FARP2: variants seen among roughly 807,000 people sequenced by gnomAD.
FARP2 encodes FERM, ARH/RhoGEF and pleckstrin domain protein 2, also known as FERM, ARHGEF and pleckstrin domain-containing protein 2.
Under a neutral mutation model 130.5 loss-of-function variants are expected in FARP2, and 111 were observed. That is an observed-to-expected ratio of 0.85 (90% confidence interval 0.73 to 1.00). The LOEUF (loss-of-function observed/expected upper bound fraction) is 1.00. Ranked by LOEUF, FARP2 falls within the 50% of genes least tolerant of loss-of-function variation. The pLI, the probability that FARP2 is intolerant of heterozygous loss-of-function variation, is 0.00. For synonymous variants in FARP2, 504 were observed against 516.9 expected, an observed-to-expected ratio of 0.98 and a Z score of 0.34; for missense variants, 1,385 against 1,346.3, an observed-to-expected ratio of 1.03 and a Z score of -0.45.
At chr2:241,450,718 G>T (rs529419146) in intron 13 of FARP2, among the ~76,000 whole-genome samples, 2 of 152,150 alleles carry the variant, frequency 1.3e-5, no homozygotes, top group South Asian at 4.2e-4. Context: ...CCAGCAATTC[G>T]GGAGGCTGAG....
intron 2 of FARP2, chr2:241,395,717 G>A (rs756396848): frequency 3.9e-5 from 6 of 152,164 alleles, no homozygotes; most frequent in Non-Finnish European, 7.4e-5. Context: ...GAAGTGATTT[G>A]TTTTTTCATT....
At chr2:241,472,918 G>T (rs905619245) in intron 18 of FARP2, among the ~76,000 whole-genome samples, 14 of 151,602 alleles carry the variant, frequency 9.2e-5, no homozygotes, top group African/African-American at 3.2e-4. Flanking sequence ...CTGTTCTGAG[G>T]GGACCCTATT....
intron 13 of FARP2, among the ~76,000 whole-genome samples, chr2:241,451,166 GT>G (rs1375409672): frequency 1.3e-5 from 2 of 151,982 alleles, no homozygotes; most frequent in Non-Finnish European, 2.9e-5. Context: ...TAGAGACAGG[GT>G]TTCACTGTGT....
chr2:241,465,848 G>A, intron 17 of FARP2: 1 of 1,519,182 alleles, frequency 6.6e-7, no homozygotes, highest in South Asian at 1.2e-5. Context: ...GAGTTCCCAA[G>A]GGACTATAGG....
In FARP2 at chr2:241,475,792, GGT is replaced by G. The variant is rs1559805577; in HGVS notation, c.2132-63_2132-62del. The stretch of plus-strand genomic sequence containing the variant: ...AGAATGCTGGTTCCTGTCACAAGGT[GGT>G]GGGTGGAGGGTGCTGTGCACACCAC... On this transcript the variant is annotated intron_variant, in intron 18 of 26. Coordinates refer to ENST00000264042, the MANE Select transcript of FARP2 (RefSeq NM_014808.4). The surrounding 1 kb of genome is among the most constrained non-coding windows in gnomAD (Gnocchi z 4.4). 1 of 1,405,706 alleles carries G rather than the reference GGT, an allele frequency of 7.1e-7. No individual in the cohort carries two copies. Among genetic ancestry groups the G allele is most frequent in the Non-Finnish European group, 9.4e-7 (1 of 1,059,606 alleles). The allele number at this position is 1,405,706 out of a possible 1,614,324, so 87.1% of individuals were successfully genotyped here. A position where few individuals can be genotyped will look rare whatever the true frequency, so the allele number is the denominator to read the frequency against.
intron 17 of FARP2, among the ~76,000 whole-genome samples, chr2:241,464,930 G>A (rs969207224): frequency 1.3e-5 from 2 of 151,820 alleles, no homozygotes; most frequent in Non-Finnish European, 2.9e-5. Flanking sequence ...CCTCCTCACC[G>A]CATCCCTCAA....
rs1047559910 is a variant in FARP2, at chr2:241,466,496, C to T, written c.1894-1644C>T. ...CCTCAGCCAACCCTGTCCCTTGGCC[C>T]GGCCCTGCCACAGAGAGGGACCCCA... On this transcript the variant is annotated intron_variant, in intron 17 of 26. Transcript: ENST00000264042. 35 of 985,322 alleles carry T rather than the reference C, an allele frequency of 3.6e-5. No homozygotes were observed. The African/African-American group carries it at 3.8e-4, about 11-fold the overall frequency. 61.0% of individuals were successfully genotyped at this position (985,322 alleles called of 1,614,324 possible). A position where few individuals can be genotyped will look rare whatever the true frequency, so the allele number is the denominator to read the frequency against.
chr2:241,413,494 C>A, intron 7 of FARP2, 73 bp downstream of exon 7: 1 of 1,072,046 alleles, frequency 9.3e-7, no homozygotes, highest in Non-Finnish European at 1.4e-6. Context: ...CGAGAAAGGA[C>A]TGTTGTCGTG....
intron 2 of FARP2, chr2:241,386,943 A>G (rs1305652123): frequency 1.3e-5 from 2 of 152,260 alleles, no homozygotes; most frequent in Non-Finnish European, 2.9e-5. Context: ...ATATTCAACC[A>G]TGTAACCAAG....
At chr2:241,367,260 AG>A (rs2061338586) in intron 1 of FARP2, among the ~76,000 whole-genome samples, 1 of 152,076 alleles carries the variant, frequency 6.6e-6, no homozygotes, top group Non-Finnish European at 1.5e-5. Context: ...ACACTGTAGC[AG>A]TGTTGGTGTG....
rs1408239269 is a variant in FARP2 at position 241,475,221 on chromosome 2, GA to G, written c.2132-634del. 1.3e-5 allele frequency among the ~76,000 whole-genome samples: 2 copies of G among 152,196 alleles called. No homozygotes were observed. The highest frequency in any genetic ancestry group is 2.9e-5 in the Non-Finnish European group (2 of 68,030). On this transcript the variant is annotated intron_variant, in intron 18 of 26. Transcript: ENST00000264042. The surrounding 1 kb of genome is among the most constrained non-coding windows in gnomAD (Gnocchi z 4.4). ...AAAGCCTATCCTCTTTGCCAAACCA[GA>G]ATATGGGCTGGCCAACAGTTTGGGT...
intron 13 of FARP2, among the ~76,000 whole-genome samples, chr2:241,453,565 T>A (rs1399262425): frequency 6.6e-6 from 1 of 150,724 alleles, no homozygotes; most frequent in Non-Finnish European, 1.5e-5. Context: ...GAGCTTGCAG[T>A]GAGCCGAGAT....
At chr2:241,444,755 G>T (rs1215957716) in intron 13 of FARP2, 1 of 152,128 alleles carries the variant, frequency 6.6e-6, no homozygotes, top group Admixed American at 6.6e-5. Flanking sequence ...TGTGTTAATG[G>T]AACCTCACTT....
intron 13 of FARP2, among the ~76,000 whole-genome samples, chr2:241,453,416 A>T (rs888909754): frequency 5.3e-5 from 8 of 151,282 alleles, no homozygotes; most frequent in South Asian, 2.1e-4. Context: ...AGGTCAGGAG[A>T]TCGAGACCAT....
At chr2:241,371,617 C>T (rs929716415) in intron 1 of FARP2, among the ~76,000 whole-genome samples, 2 of 152,160 alleles carry the variant, frequency 1.3e-5, no homozygotes, top group Non-Finnish European at 1.5e-5. Context: ...GTGAGATTAA[C>T]TCTTTAAAAG....
intron 13 of FARP2, among the ~76,000 whole-genome samples, chr2:241,448,940 G>C (rs559505089): frequency 6.6e-5 from 10 of 152,358 alleles, no homozygotes; most frequent in African/African-American, 2.4e-4. Context: ...TGCCGGGTAG[G>C]GAGGTGAGCT....
chr2:241,442,802 G>A (rs561736126), intron 13 of FARP2: 5 of 281,036 alleles, frequency 1.8e-5, no homozygotes, highest in African/African-American at 2.2e-5. Flanking sequence ...TGTAGTTTAT[G>A]TTTTTTGCCA....
chr2:241,466,580 AGTG>A (rs1257748786), intron 17 of FARP2: 1 of 985,122 alleles, frequency 1.0e-6, no homozygotes, highest in Non-Finnish European at 1.2e-6. Context: ...AAGCCTAGCG[AGTG>A]TGGATGCATA....
chr2:241,398,893 G>T (rs1418557103), intron 2 of FARP2, among the ~76,000 whole-genome samples: 1 of 152,088 alleles, frequency 6.6e-6, no homozygotes, highest in African/African-American at 2.4e-5. Context: ...TTGTCTTTAG[G>T]TCTCTATAAA....
Sources: allele counts gnomAD v4.1 joint callset (sites outside exome capture counted in the v4.1 genomes callset), GRCh38; gene constraint gnomAD v4.1.1; non-coding constraint Gnocchi (gnomAD v3.1); transcripts MANE v1.5; gene names NCBI Gene and HGNC (gene_info 2026-07-23, HGNC 2026-07-21).